CUX2: variants seen among roughly 807,000 people sequenced by gnomAD.
CUX2 encodes homeobox protein cut-like 2.
In CUX2, 40 loss-of-function variants were observed where a neutral mutation model predicts 144.8. The ratio of observed to expected loss-of-function variants is 0.28; its 90% confidence interval spans 0.21 to 0.36. CUX2 has a LOEUF of 0.36. CUX2 is among the 10% of genes least tolerant of loss of function. The pLI is 1.00. For missense variants in CUX2, 1,615 were observed against 1,994.0 expected, an observed-to-expected ratio of 0.81 and a Z score of 3.62; for synonymous variants, 827 against 875.6, an observed-to-expected ratio of 0.94 and a Z score of 0.98.
chr12:111,213,084 G>T (rs1056641929), intron 1 of CUX2, among the ~76,000 whole-genome samples: 2 of 152,182 alleles, frequency 1.3e-5, no homozygotes, highest in Non-Finnish European at 2.9e-5. Context: ...CCGCATCTGC[G>T]TGTGTGTTTT....
At chr12:111,309,827 C>T (rs1886788964) in intron 14 of CUX2, among the ~76,000 whole-genome samples, 1 of 151,254 alleles carries the variant, frequency 6.6e-6, no homozygotes, top group African/African-American at 2.4e-5. Flanking sequence ...CTCTCTCTGT[C>T]TCTCTCATTG....
chr12:111,187,917 G>A (rs1283210575), intron 1 of CUX2, among the ~76,000 whole-genome samples: 2 of 152,252 alleles, frequency 1.3e-5, no homozygotes, highest in Admixed American at 6.5e-5. Flanking sequence ...ACAGCTGCCA[G>A]GCACCCTGCA....
intron 3 of CUX2, among the ~76,000 whole-genome samples, chr12:111,257,222 T>G (rs1056915184): frequency 7.7e-6 from 1 of 129,516 alleles, no homozygotes; most frequent in African/African-American, 2.9e-5. Flanking sequence ...CTCTCCTTCC[T>G]CCCCCTCCCA....
rs1227591560 is a variant in CUX2 at position 111,061,052 on chromosome 12, C to G, written c.63+26812C>G. Among the ~76,000 whole-genome samples the G allele has an allele frequency of 6.6e-6, 1 of 152,138 alleles. No homozygotes were observed. Among genetic ancestry groups the G allele is most frequent in the African/African-American group, 2.4e-5 (1 of 41,378 alleles). On this transcript the variant is annotated intron_variant, in intron 1 of 21. Coordinates refer to ENST00000261726, the MANE Select transcript of CUX2 (RefSeq NM_015267.4). This position sits in a 1 kb window ranked among gnomAD's most constrained non-coding sequence, Gnocchi z 4.2. Reference sequence around the variant, plus strand: ...AGGACCTCCAGCTGGCCCTGCTGCCCCCTCCCCCGCTTCCTTGGGGCTGTT... The same window carrying G: ...AGGACCTCCAGCTGGCCCTGCTGCCGCCTCCCCCGCTTCCTTGGGGCTGTT...
chr12:111,197,727 C>T (rs1880326573), intron 1 of CUX2, among the ~76,000 whole-genome samples: 1 of 152,204 alleles, frequency 6.6e-6, no homozygotes, highest in Non-Finnish European at 1.5e-5. Context: ...TAAGGTCATC[C>T]AAGGCGGGTG....
intron 1 of CUX2, among the ~76,000 whole-genome samples, chr12:111,197,131 A>C (rs918404352): frequency 2.6e-5 from 4 of 152,174 alleles, no homozygotes; most frequent in Non-Finnish European, 4.4e-5. Flanking sequence ...GACCTGGGGC[A>C]ACTGACCTAT....
At chr12:111,229,368 C>T (rs1882346027) in intron 3 of CUX2, among the ~76,000 whole-genome samples, 1 of 152,140 alleles carries the variant, frequency 6.6e-6, no homozygotes, top group Non-Finnish European at 1.5e-5. Context: ...GAGGTGGGCC[C>T]TGCAGGAGGC....
chr12:111,065,051 A>G (rs143292438), intron 1 of CUX2, among the ~76,000 whole-genome samples: 232 of 152,322 alleles, frequency 1.5e-3, no homozygotes, highest in African/African-American at 5.3e-3. Context: ...CTGTTGATCT[A>G]TGGTAGACCA....
At chr12:111,325,112 G>A (rs1426006866) in intron 18 of CUX2, among the ~76,000 whole-genome samples, 2 of 148,754 alleles carry the variant, frequency 1.3e-5, no homozygotes, top group East Asian at 4.0e-4. Context: ...GGTGAAACCC[G>A]TCTCTACTAA....
chr12:111,341,586 C>T (rs950596766), intron 20 of CUX2, among the ~76,000 whole-genome samples, 194 bp from the exon 21 acceptor site: 7 of 137,644 alleles, frequency 5.1e-5, no homozygotes, highest in Admixed American at 3.1e-4. Flanking sequence ...CATCTTGTGG[C>T]GGGGGATTGG....
chr12:111,240,030 C>T (rs966048781), intron 3 of CUX2, among the ~76,000 whole-genome samples: 3 of 152,210 alleles, frequency 2.0e-5, no homozygotes, highest in African/African-American at 7.2e-5. Flanking sequence ...ATTAGCTGTG[C>T]GCCAGCTATG....
At chr12:111,328,296 C>T (rs1020708520) in intron 18 of CUX2, among the ~76,000 whole-genome samples, 6 of 152,150 alleles carry the variant, frequency 3.9e-5, no homozygotes, top group Non-Finnish European at 8.8e-5. Flanking sequence ...GCCACTGGGG[C>T]GGGCAGGGAC....
intron 19 of CUX2, among the ~76,000 whole-genome samples, chr12:111,336,621 T>C (rs1888366049): frequency 6.6e-6 from 1 of 151,778 alleles, no homozygotes. Flanking sequence ...CTAATTTTTT[T>C]ATTTTTAGTA....
At chr12:111,110,744 T>C (rs775299288) in intron 1 of CUX2, among the ~76,000 whole-genome samples, 13 of 152,236 alleles carry the variant, frequency 8.5e-5, no homozygotes, top group Non-Finnish European at 1.3e-4. Flanking sequence ...ATTAAAACAG[T>C]GCGAATCCTG....
intron 1 of CUX2, among the ~76,000 whole-genome samples, chr12:111,129,572 C>T (rs1875318556): frequency 6.6e-6 from 1 of 152,244 alleles, no homozygotes; most frequent in Non-Finnish European, 1.5e-5. Context: ...TACAGTAATC[C>T]ACTGTCATTC....
At chr12:111,182,033 G>A (rs1385577642) in intron 1 of CUX2, among the ~76,000 whole-genome samples, 1 of 152,124 alleles carries the variant, frequency 6.6e-6, no homozygotes, top group Non-Finnish European at 1.5e-5. Flanking sequence ...GAGGGGAGGC[G>A]CACAGGGAGG....
chr12:111,100,668 C>T (rs762559057), intron 1 of CUX2, among the ~76,000 whole-genome samples: 1 of 152,102 alleles, frequency 6.6e-6, no homozygotes, highest in Admixed American at 6.5e-5. Context: ...GAGGGTGTCA[C>T]GTGGCAGAGT....
chr12:111,345,603 G>A (rs1374721896), intron 21 of CUX2, among the ~76,000 whole-genome samples: 10 of 151,414 alleles, frequency 6.6e-5, no homozygotes, highest in African/African-American at 1.9e-4. Flanking sequence ...TTAGCCAGGC[G>A]TGGTGGCGGG....
rs1384230090 is a variant in CUX2, at chr12:111,035,022, G to A, written c.63+782G>A. On this transcript the variant is annotated intron_variant, in intron 1 of 21. Coordinates refer to ENST00000261726, the MANE Select transcript of CUX2 (RefSeq NM_015267.4). This position sits in a 1 kb window ranked among gnomAD's most constrained non-coding sequence, Gnocchi z 6.0. ...AGTCTAGATGCAGACGGGCGGTGGA[G>A]GTGGGCCCGGGCGCTCGCAAGTTTG... is the stretch of plus-strand genomic sequence containing the variant. 1.3e-5 allele frequency among the ~76,000 whole-genome samples: 2 copies of A among 152,138 alleles called. No individual in the cohort carries two copies. The highest frequency in any genetic ancestry group is 2.9e-5 in the Non-Finnish European group (2 of 68,002).
Sources: gnomAD v4.1 joint callset for allele counts (sites outside exome capture counted in the v4.1 genomes callset) on GRCh38, gnomAD v4.1.1 for gene constraint, Gnocchi (gnomAD v3.1) non-coding constraint, MANE v1.5 for transcripts, NCBI Gene and HGNC (gene_info 2026-07-23, HGNC 2026-07-21) for gene names.